The following ACOT8 variants were observed in gnomAD, a reference collection of about 807,000 sequenced individuals.
The protein encoded by ACOT8 is acyl-CoA thioesterase 8.
A neutral mutation model predicts 38.4 loss-of-function variants in ACOT8; 31 were observed. That is an observed-to-expected ratio of 0.81 (90% CI 0.61 to 1.09). ACOT8 has a LOEUF of 1.09. Ranked by LOEUF, ACOT8 falls within the 50% of genes least tolerant of loss-of-function variation. The pLI is 0.00. For missense variants in ACOT8, 373 were observed against 421.8 expected, an observed-to-expected ratio of 0.88 and a Z score of 1.01; for synonymous variants, 158 against 170.3, an observed-to-expected ratio of 0.93 and a Z score of 0.56.
chr20:45,842,717 A>C (rs1012195864), intron 5 of ACOT8: 14 of 989,306 alleles, frequency 1.4e-5, no homozygotes, highest in African/African-American at 1.4e-4. Context: ...CCAGACCAGG[A>C]CTGAAATCCA....
intron 2 of ACOT8, chr20:45,848,906 T>G (rs1984879707): frequency 4.7e-6 from 2 of 425,584 alleles, no homozygotes; most frequent in South Asian, 6.6e-5. Flanking sequence ...ATTGACAGAT[T>G]CCTTGCATTC....
chr20:45,848,715 G>A (rs777633776), intron 2 of ACOT8, 40 bp from the exon 3 acceptor site: 7 of 1,525,868 alleles, frequency 4.6e-6, no homozygotes, highest in East Asian at 4.6e-5. Flanking sequence ...CACAGGCCCT[G>A]TCATCATCAC....
chr20:45,843,973 C>G, intron 4 of ACOT8: 1 of 820,132 alleles, frequency 1.2e-6, no homozygotes, highest in Non-Finnish European at 1.9e-6. Context: ...GGGGTGTCTT[C>G]TTCCAATTTG....
chr20:45,857,048 C>A, intron 1 of ACOT8, 140 bp downstream of exon 1: 1 of 1,005,014 alleles, frequency 1.0e-6, no homozygotes, highest in Non-Finnish European at 1.5e-6. Flanking sequence ...CTGTTGGGGG[C>A]GAGTTCTCTC....
At chr20:45,846,115 C>T (rs1984669377) in intron 3 of ACOT8, among the ~76,000 whole-genome samples, 1 of 152,166 alleles carries the variant, frequency 6.6e-6, no homozygotes, top group Admixed American at 6.5e-5. Flanking sequence ...ACTGGGATTA[C>T]AGGCATGAAC....
intron 1 of ACOT8, 24 bp from the exon 2 acceptor site, chr20:45,855,316 G>C: frequency 1.2e-6 from 2 of 1,613,140 alleles, no homozygotes; most frequent in East Asian, 2.2e-5. Flanking sequence ...GGGAAAGAGG[G>C]AAAGACTTGG....
At chr20:45,853,823 G>C (rs545610900) in intron 2 of ACOT8, 2 of 903,568 alleles carry the variant, frequency 2.2e-6, no homozygotes, top group South Asian at 1.4e-5. Flanking sequence ...TAAGAGACAC[G>C]GGACAGTATG....
chr20:45,857,182 G>A lies in ACOT8; in HGVS notation c.128+6C>T, dbSNP rs752832176. 5.1e-5 allele frequency: 82 copies of A among 1,609,500 alleles called. No individual in the cohort carries two copies. In the Admixed American group the frequency reaches 1.3e-3, roughly 25 times the overall value. On this transcript the variant is annotated splice_donor_region_variant and intron_variant, in intron 1 of 5. Transcript: ENST00000217455. ...GAGGGGATGCTGGGCAGGAGCTGCCGGCTACCTGAAGAGATCCTCGTCCAG... is the reference window on the plus strand; with the variant it reads ...GAGGGGATGCTGGGCAGGAGCTGCCAGCTACCTGAAGAGATCCTCGTCCAG...
chr20:45,855,285 G>A lies in ACOT8; in HGVS notation c.136C>T (p.His46Tyr). The change falls in exon 2 of 6, where the codon CAT (histidine) becomes TAT (tyrosine). Residue 46 changes from histidine (H) to tyrosine (Y), a missense_variant. Physicochemically the swap from His to Tyr is moderately conservative, Grantham distance 83 (BLOSUM62 2). Transcript: ENST00000217455. Reference protein sequence around the residue: ...PLDEDLFRGRHYWVPAKRLFG... With the variant: ...PLDEDLFRGRYYWVPAKRLFG... Reference sequence around the variant, plus strand: ...AGCCTCTTGGCCGGTACCCAGTAATGCCTTCCTCTGTAGGGAGAGGGGGAA... The same window carrying A: ...AGCCTCTTGGCCGGTACCCAGTAATACCTTCCTCTGTAGGGAGAGGGGGAA... 6.2e-7 allele frequency: 1 copy of A among 1,614,084 alleles called. No individual in the cohort carries two copies. The highest frequency in any genetic ancestry group is 8.5e-7 in the Non-Finnish European group (1 of 1,180,034).
chr20:45,842,172 C>A, intron 5 of ACOT8: 1 of 1,507,646 alleles, frequency 6.6e-7, no homozygotes, highest in Non-Finnish European at 8.8e-7. Context: ...GGGTCTGGCC[C>A]AGGGCAGGGC....
Position 45,857,174 on chromosome 20 carries a change from G to T in ACOT8, c.128+14C>A, listed in dbSNP as rs562825567. Reference sequence around the variant, plus strand: ...CCCTAAAGGAGGGGATGCTGGGCAGGAGCTGCCGGCTACCTGAAGAGATCC... The same window carrying T: ...CCCTAAAGGAGGGGATGCTGGGCAGTAGCTGCCGGCTACCTGAAGAGATCC... On this transcript the variant is annotated intron_variant, in intron 1 of 5. Transcript: ENST00000217455. 1 of 1,608,970 alleles carries T rather than the reference G, an allele frequency of 6.2e-7. No homozygotes were observed.
intron 2 of ACOT8, among the ~76,000 whole-genome samples, chr20:45,849,309 G>A (rs1984906037): frequency 6.6e-6 from 1 of 152,086 alleles, no homozygotes; most frequent in Admixed American, 6.6e-5. Context: ...GTTTGAGATG[G>A]AGTCTTGCTC....
intron 2 of ACOT8, among the ~76,000 whole-genome samples, chr20:45,850,989 TGTCTGA>T (rs1568738963): frequency 6.6e-6 from 1 of 152,204 alleles, no homozygotes; most frequent in Non-Finnish European, 1.5e-5. Context: ...GTTCTCACTT[TGTCTGA>T]GTCAGGCTGA....
At chr20:45,846,670 G>A (rs1458059619) in intron 3 of ACOT8, among the ~76,000 whole-genome samples, 1 of 152,118 alleles carries the variant, frequency 6.6e-6, no homozygotes, top group Non-Finnish European at 1.5e-5. Context: ...AGGGCCCTGG[G>A]GAGTTGGGCA....
intron 2 of ACOT8, among the ~76,000 whole-genome samples, chr20:45,851,193 C>T (rs1247153285): frequency 6.6e-6 from 1 of 152,184 alleles, no homozygotes; most frequent in Non-Finnish European, 1.5e-5. Flanking sequence ...TTGCTCAGCT[C>T]TCTGTTATCA....
At chr20:45,845,057 G>A (rs1331956920) in intron 3 of ACOT8, among the ~76,000 whole-genome samples, 1 of 151,888 alleles carries the variant, frequency 6.6e-6, no homozygotes. Context: ...GCTGGGACTA[G>A]AGGTGTACGC....
chr20:45,856,277 C>T (rs935025073), intron 1 of ACOT8, among the ~76,000 whole-genome samples: 1 of 151,462 alleles, frequency 6.6e-6, no homozygotes, highest in Non-Finnish European at 1.5e-5. Flanking sequence ...AAACAAAAAT[C>T]AAATAGCCCT....
intron 2 of ACOT8, 28 bp downstream of exon 2, chr20:45,855,131 G>C: frequency 1.2e-6 from 2 of 1,610,846 alleles, no homozygotes. Context: ...CACCAGGGTT[G>C]GGTTGGGGCA....
intron 2 of ACOT8, chr20:45,853,806 T>C (rs1187423028): frequency 1.4e-6 from 1 of 728,490 alleles, no homozygotes; most frequent in Non-Finnish European, 2.1e-6. Context: ...TCCTCAGGGA[T>C]GAGGAGTAAG....
Sources: gnomAD v4.1 joint callset for allele counts (sites outside exome capture counted in the v4.1 genomes callset) on GRCh38, gnomAD v4.1.1 for gene constraint, MANE v1.5 for transcripts, NCBI Gene and HGNC (gene_info 2026-07-23, HGNC 2026-07-21) for gene names.